The following TENM3 variants were observed in gnomAD, a reference collection of about 807,000 sequenced individuals.
TENM3 encodes teneurin transmembrane protein 3, also known as teneurin-3.
A neutral mutation model predicts 255.1 loss-of-function variants in TENM3; 63 were observed. The ratio of observed to expected loss-of-function variants is 0.25; its 90% CI spans 0.20 to 0.30. The LOEUF (loss-of-function observed/expected upper bound fraction) is 0.30, where lower values mean the gene tolerates loss of function less well. TENM3 is among the 10% of genes least tolerant of loss of function. TENM3 has a pLI of 1.00. For synonymous variants in TENM3, 1,306 were observed against 1,322.3 expected, an observed-to-expected ratio of 0.99 and a Z score of 0.27; for missense variants, 2,929 against 3,461.1, an observed-to-expected ratio of 0.85 and a Z score of 3.86.
chr4:182,572,355 C>T (rs964705172), intron 3 of TENM3, among the ~76,000 whole-genome samples: 5 of 152,182 alleles, frequency 3.3e-5, no homozygotes, highest in African/African-American at 7.2e-5. Flanking sequence ...TCATATTGGT[C>T]TTTTCATCCA....
the TENM3 span, among the ~76,000 whole-genome samples, chr4:181,530,848 A>T: frequency 1.3e-5 from 2 of 152,178 alleles, no homozygotes; most frequent in Non-Finnish European, 2.9e-5. Flanking sequence ...GTTTCTGAAA[A>T]CATGAACTGA....
At chr4:182,225,646 A>C (rs1357418081) in intron 1 of TENM3, among the ~76,000 whole-genome samples, 1 of 152,204 alleles carries the variant, frequency 6.6e-6, no homozygotes, top group African/African-American at 2.4e-5. Flanking sequence ...TCGTTGAGGG[A>C]AAGAGGAACT....
chr4:181,464,980 T>G, the TENM3 span, among the ~76,000 whole-genome samples: 1 of 152,048 alleles, frequency 6.6e-6, no homozygotes, highest in Non-Finnish European at 1.5e-5. Context: ...GTCCAATTTA[T>G]CTATTTTTTG....
chr4:182,726,028 C>T lies in TENM3; in HGVS notation c.2369-2937C>T, dbSNP rs568061477. 5.3e-5 allele frequency among the ~76,000 whole-genome samples: 8 copies of T among 152,234 alleles called. No homozygotes were observed. In the South Asian group the frequency reaches 1.7e-3, roughly 32 times the overall value. ...ACAACTCATTATCTTAGAAATATAA[C>T]AGACATGAAAATACATGCTATCATA... On this transcript the variant is annotated intron_variant, in intron 13 of 27. Coordinates refer to ENST00000511685, the MANE Select transcript of TENM3 (RefSeq NM_001080477.4).
chr4:181,999,691 G>A, the TENM3 span, among the ~76,000 whole-genome samples: 1 of 152,048 alleles, frequency 6.6e-6, no homozygotes, highest in Non-Finnish European at 1.5e-5. Flanking sequence ...TATTAAAATG[G>A]CCTATATCAC....
the TENM3 span, among the ~76,000 whole-genome samples, chr4:181,458,771 A>G: frequency 1.3e-5 from 2 of 151,922 alleles, no homozygotes; most frequent in Non-Finnish European, 2.9e-5. Context: ...CATCAAATCC[A>G]TATATGTGTT....
chr4:181,753,530 GAA>G, the TENM3 span, among the ~76,000 whole-genome samples: 216 of 145,424 alleles, frequency 1.5e-3, no homozygotes, highest in East Asian at 5.5e-3. Context: ...TTGCAAAAAT[GAA>G]AAAAAAAAAA....
At chr4:182,524,616 C>T (rs1580827549) in intron 3 of TENM3, among the ~76,000 whole-genome samples, 3 of 151,906 alleles carry the variant, frequency 2.0e-5, no homozygotes, top group South Asian at 4.2e-4. Flanking sequence ...CTGTCTCGGC[C>T]TCCCAAAGTA....
chr4:181,825,226 C>A, the TENM3 span, among the ~76,000 whole-genome samples: 2 of 151,972 alleles, frequency 1.3e-5, no homozygotes, highest in Non-Finnish European at 2.9e-5. Context: ...CATGGTGAAA[C>A]CCCATCTCTA....
At chr4:182,151,399 G>A (rs976399160) in intron 1 of TENM3, among the ~76,000 whole-genome samples, 2 of 152,048 alleles carry the variant, frequency 1.3e-5, no homozygotes, top group Non-Finnish European at 2.9e-5. Context: ...TCTTTTTAAA[G>A]AGTAACATCT....
the TENM3 span, among the ~76,000 whole-genome samples, chr4:181,697,942 T>C: frequency 2.2e-4 from 33 of 152,012 alleles, no homozygotes; most frequent in Admixed American, 1.1e-3. Flanking sequence ...TGGCCAGGCA[T>C]GGTGGCTCAC....
chr4:182,174,537 C>T (rs1314240326), intron 1 of TENM3, among the ~76,000 whole-genome samples: 1 of 146,354 alleles, frequency 6.8e-6, no homozygotes, highest in East Asian at 2.0e-4. Flanking sequence ...CACACAAACA[C>T]ACACTTTAAC....
the TENM3 span, among the ~76,000 whole-genome samples, chr4:181,625,689 C>T: frequency 6.6e-6 from 1 of 152,000 alleles, no homozygotes; most frequent in Non-Finnish European, 1.5e-5. Context: ...CGGCAGGCGC[C>T]TGTAGTCCCA....
chr4:182,431,834 TGGAAG>T (rs1771671104), intron 3 of TENM3, among the ~76,000 whole-genome samples: 2 of 151,884 alleles, frequency 1.3e-5, no homozygotes, highest in African/African-American at 4.8e-5. Flanking sequence ...CCCAGCACTT[TGGAAG>T]GCCAAGGCAG....
At chr4:181,838,567 C>A in the TENM3 span, among the ~76,000 whole-genome samples, 7 of 152,058 alleles carry the variant, frequency 4.6e-5, no homozygotes, top group African/African-American at 1.7e-4. Context: ...GTTTTATTGA[C>A]AGGAACAGAT....
chr4:181,950,403 C>T, the TENM3 span, among the ~76,000 whole-genome samples: 4 of 152,330 alleles, frequency 2.6e-5, no homozygotes, highest in South Asian at 8.3e-4. Context: ...GGTCTCTTCA[C>T]AGGGACGCGC....
At chr4:182,723,034 C>T (rs963039971) in intron 13 of TENM3, among the ~76,000 whole-genome samples, 1 of 152,270 alleles carries the variant, frequency 6.6e-6, no homozygotes. Context: ...AGGAGAAGAT[C>T]ATATACAGAC....
the TENM3 span, among the ~76,000 whole-genome samples, chr4:181,858,671 G>T: frequency 6.6e-6 from 1 of 152,326 alleles, no homozygotes; most frequent in South Asian, 2.1e-4. Flanking sequence ...GCCAGGGGAT[G>T]GAGGAGGGGA....
the TENM3 span, among the ~76,000 whole-genome samples, chr4:181,514,685 T>C: frequency 6.6e-6 from 1 of 152,140 alleles, no homozygotes; most frequent in Non-Finnish European, 1.5e-5. Context: ...CTCAGTTCTG[T>C]AACTATAGCA....
Sources: gnomAD v4.1 joint callset for allele counts (sites outside exome capture counted in the v4.1 genomes callset) on GRCh38, gnomAD v4.1.1 for gene constraint, MANE v1.5 for transcripts, NCBI Gene and HGNC (gene_info 2026-07-23, HGNC 2026-07-21) for gene names.